Variants in MAGI2 observed in about 807,000 individuals in gnomAD.
MAGI2 encodes the protein membrane associated guanylate kinase, WW and PDZ domain containing 2.
MAGI2 carries 35 observed loss-of-function variants against 133.3 expected under a neutral mutation model. That is an observed-to-expected ratio of 0.26 (90% CI 0.20 to 0.35). MAGI2 has a LOEUF of 0.35. Among genes scored for constraint, MAGI2 ranks in the 10% least tolerant of loss-of-function variants. The probability of loss-of-function intolerance (pLI) is 1.00; values close to 1 mark genes in which losing one functional copy is unlikely to be tolerated. For synonymous variants in MAGI2, 729 were observed against 710.6 expected (o/e 1.03, Z -0.41); for missense variants, 1,636 against 1,863.4 (o/e 0.88, Z 2.25).
chr7:78,340,060 G>C (rs1401204256), intron 9 of MAGI2, among the ~76,000 whole-genome samples: 1 of 151,970 alleles, frequency 6.6e-6, no homozygotes, highest in Non-Finnish European at 1.5e-5. Context: ...TAAAACCCAT[G>C]GAAGAACAAT....
chr7:79,436,442 C>T (rs780479494), intron 1 of MAGI2, among the ~76,000 whole-genome samples: 8 of 152,028 alleles, frequency 5.3e-5, no homozygotes, highest in Non-Finnish European at 1.0e-4. Context: ...AAAATATTTG[C>T]AAACTATGTA....
chr7:79,081,746 T>C (rs950564286), intron 1 of MAGI2, among the ~76,000 whole-genome samples: 4 of 152,110 alleles, frequency 2.6e-5, no homozygotes, highest in Non-Finnish European at 5.9e-5. Context: ...AATATTCTTA[T>C]GTAACTCATA....
intron 2 of MAGI2, among the ~76,000 whole-genome samples, chr7:78,732,244 A>G (rs574568887): frequency 9.2e-5 from 14 of 152,262 alleles, no homozygotes; most frequent in Admixed American, 2.6e-4. Context: ...AGCTTGCCTG[A>G]GTGAGAATGG....
intron 7 of MAGI2, among the ~76,000 whole-genome samples, chr7:78,353,835 G>A (rs1210578594): frequency 2.0e-5 from 3 of 152,184 alleles, no homozygotes; most frequent in Non-Finnish European, 2.9e-5. Context: ...GGGAGCAAGA[G>A]GCGTAGGGGA....
chr7:79,056,978 C>T (rs1179706489), intron 1 of MAGI2, among the ~76,000 whole-genome samples: 1 of 152,168 alleles, frequency 6.6e-6, no homozygotes, highest in Non-Finnish European at 1.5e-5. Flanking sequence ...TAAAAGAGAT[C>T]ATACTATTTC....
intron 12 of MAGI2, among the ~76,000 whole-genome samples, chr7:78,186,975 C>G (rs1827755069): frequency 6.6e-6 from 1 of 152,076 alleles, no homozygotes; most frequent in African/African-American, 2.4e-5. Context: ...ATGCAAACCT[C>G]TGGTCAAGAA....
chr7:78,042,120 G>A (rs1810914523), intron 21 of MAGI2, among the ~76,000 whole-genome samples: 1 of 152,188 alleles, frequency 6.6e-6, no homozygotes, highest in African/African-American at 2.4e-5. Context: ...TCTCAAATCA[G>A]TAGTGTTATT....
At chr7:78,359,259 C>T (rs1401009505) in intron 7 of MAGI2, 1 of 152,114 alleles carries the variant, frequency 6.6e-6, no homozygotes, top group Non-Finnish European at 1.5e-5. Context: ...CTTTTTAACT[C>T]CCACCTTCTC....
intron 3 of MAGI2, among the ~76,000 whole-genome samples, chr7:78,568,907 A>G (rs909977814): frequency 6.6e-6 from 1 of 152,136 alleles, no homozygotes; most frequent in African/African-American, 2.4e-5. Context: ...TGCTCCAGGC[A>G]GCCTGACTTC....
chr7:78,456,482 C>T (rs1789336146), intron 6 of MAGI2, among the ~76,000 whole-genome samples: 1 of 152,114 alleles, frequency 6.6e-6, no homozygotes, highest in Non-Finnish European at 1.5e-5. Flanking sequence ...ATACTCTAGG[C>T]TAAGCATTGT....
intron 1 of MAGI2, among the ~76,000 whole-genome samples, chr7:79,327,254 C>T (rs948568971): frequency 1.3e-5 from 2 of 152,052 alleles, no homozygotes; most frequent in African/African-American, 2.4e-5. Flanking sequence ...ATGCCATAAA[C>T]GTGTTTGATA....
At chr7:79,040,919 G>A (rs1244242075) in intron 1 of MAGI2, among the ~76,000 whole-genome samples, 1 of 152,156 alleles carries the variant, frequency 6.6e-6, no homozygotes, top group Non-Finnish European at 1.5e-5. Flanking sequence ...AACTAATACA[G>A]TGTTTGATAG....
At chr7:78,588,798 C>T (rs1253194115) in intron 3 of MAGI2, among the ~76,000 whole-genome samples, 1 of 152,140 alleles carries the variant, frequency 6.6e-6, no homozygotes, top group Non-Finnish European at 1.5e-5. Context: ...GCAAGTTTTT[C>T]CCAGTGTGCT....
At chr7:78,160,414 G>A in intron 15 of MAGI2, 141 bp from the exon 16 acceptor site, 1 of 957,276 alleles carries the variant, frequency 1.0e-6, no homozygotes, top group Non-Finnish European at 1.4e-6. Flanking sequence ...GATTTGCAGA[G>A]CATTTGAAAA....
chr7:78,541,844 C>G (rs528373939), intron 3 of MAGI2, among the ~76,000 whole-genome samples: 1 of 152,290 alleles, frequency 6.6e-6, no homozygotes, highest in South Asian at 2.1e-4. Context: ...TTCTATCATT[C>G]CTTCCTTCAA....
intron 1 of MAGI2, among the ~76,000 whole-genome samples, chr7:79,134,067 T>C (rs1329643403): frequency 6.6e-6 from 1 of 152,226 alleles, no homozygotes; most frequent in Non-Finnish European, 1.5e-5. Flanking sequence ...TACTGTAGGA[T>C]ATTAATAATG....
intron 1 of MAGI2, among the ~76,000 whole-genome samples, chr7:79,347,602 T>C (rs1207785202): frequency 6.6e-6 from 1 of 151,920 alleles, no homozygotes; most frequent in Admixed American, 6.6e-5. Context: ...ACTTCTTCCT[T>C]GAGCTCCGTT....
At chr7:78,616,200 A>G (rs1807067327) in intron 3 of MAGI2, 1 of 152,212 alleles carries the variant, frequency 6.6e-6, no homozygotes, top group South Asian at 2.1e-4. Flanking sequence ...GTTTTAAAAT[A>G]AGTTTTGGAA....
At chr7:79,445,151 T>C (rs1169936512) in intron 1 of MAGI2, among the ~76,000 whole-genome samples, 1 of 152,184 alleles carries the variant, frequency 6.6e-6, no homozygotes, top group Non-Finnish European at 1.5e-5. Flanking sequence ...TTATACCTTA[T>C]ATAAAAATTA....
Sources: gnomAD v4.1 joint callset for allele counts (sites outside exome capture counted in the v4.1 genomes callset) on GRCh38, gnomAD v4.1.1 for gene constraint, MANE v1.5 for transcripts, NCBI Gene and HGNC (gene_info 2026-07-23, HGNC 2026-07-21) for gene names.